KIAA0319L: variants seen among roughly 807,000 people sequenced by gnomAD.
KIAA0319L encodes KIAA0319 like.
Under a neutral mutation model 120.1 loss-of-function variants are expected in KIAA0319L, and 55 were observed. The ratio of observed to expected loss-of-function variants is 0.46; its 90% confidence interval spans 0.37 to 0.57. KIAA0319L has a LOEUF of 0.57. KIAA0319L is among the 20% of genes least tolerant of loss of function. The pLI, the probability that KIAA0319L is intolerant of heterozygous loss-of-function variation, is 0.00. For synonymous variants in KIAA0319L, 398 were observed against 471.9 expected, an observed-to-expected ratio of 0.84 and a Z score of 2.03; for missense variants, 1,049 against 1,255.3, an observed-to-expected ratio of 0.84 and a Z score of 2.48.
intron 16 of KIAA0319L, among the ~76,000 whole-genome samples, chr1:35,445,251 C>G (rs1037546621): frequency 6.6e-6 from 1 of 152,148 alleles, no homozygotes; most frequent in Non-Finnish European, 1.5e-5. Context: ...CTGCCACAGA[C>G]TTTCTAAAAG....
At chr1:35,531,803 C>T (rs946560904) in intron 2 of KIAA0319L, among the ~76,000 whole-genome samples, 2 of 152,152 alleles carry the variant, frequency 1.3e-5, no homozygotes, top group Non-Finnish European at 2.9e-5. Context: ...TACCTCTAGT[C>T]GGTCATCTTG....
chr1:35,551,109 T>C (rs1293912948), intron 2 of KIAA0319L, among the ~76,000 whole-genome samples: 1 of 152,146 alleles, frequency 6.6e-6, no homozygotes, highest in African/African-American at 2.4e-5. Context: ...GCCAAGAAGT[T>C]CTCTTTTCAA....
At chr1:35,483,051 G>A (rs1644238936) in intron 3 of KIAA0319L, among the ~76,000 whole-genome samples, 1 of 152,102 alleles carries the variant, frequency 6.6e-6, no homozygotes. Context: ...AACCTCTTTG[G>A]TGGACTATCT....
chr1:35,492,855 T>C (rs1047612336), intron 3 of KIAA0319L, among the ~76,000 whole-genome samples: 9 of 152,100 alleles, frequency 5.9e-5, no homozygotes, highest in Non-Finnish European at 1.0e-4. Flanking sequence ...CTTTCGCCAC[T>C]TGGATTCAAC....
chr1:35,530,868 A>G (rs943608346), intron 2 of KIAA0319L, among the ~76,000 whole-genome samples: 4 of 152,178 alleles, frequency 2.6e-5, no homozygotes, highest in African/African-American at 9.7e-5. Context: ...GAACACCATC[A>G]GTGGCATCTG....
chr1:35,484,750 C>T (rs1413113611), intron 3 of KIAA0319L, among the ~76,000 whole-genome samples: 7 of 134,254 alleles, frequency 5.2e-5, no homozygotes, highest in Non-Finnish European at 7.9e-5. Flanking sequence ...CCTTTGAACA[C>T]GATTTAAGTT....
At chr1:35,463,281 T>A (rs1166051514) in intron 7 of KIAA0319L, among the ~76,000 whole-genome samples, 1 of 152,210 alleles carries the variant, frequency 6.6e-6, no homozygotes, top group East Asian at 1.9e-4. Flanking sequence ...TGACCATTCC[T>A]AAGACCATGC....
intron 4 of KIAA0319L, among the ~76,000 whole-genome samples, chr1:35,477,002 C>A (rs1643914591): frequency 6.6e-6 from 1 of 152,068 alleles, no homozygotes; most frequent in Non-Finnish European, 1.5e-5. Context: ...AGATGCTTCT[C>A]CAGGACACTG....
chr1:35,444,492 T>C (rs568753298), intron 16 of KIAA0319L, among the ~76,000 whole-genome samples, 189 bp from the exon 17 acceptor site: 6 of 152,154 alleles, frequency 3.9e-5, no homozygotes, highest in Non-Finnish European at 8.8e-5. Flanking sequence ...CACTGGGGCT[T>C]TGTAAGAGGG....
At chr1:35,457,525 A>T (rs556105660) in intron 9 of KIAA0319L, among the ~76,000 whole-genome samples, 11 of 151,640 alleles carry the variant, frequency 7.3e-5, no homozygotes, top group South Asian at 6.2e-4. Flanking sequence ...GAAAGAAAAT[A>T]AAAAAAAATG....
At chr1:35,486,392 A>AG in intron 3 of KIAA0319L, among the ~76,000 whole-genome samples, 1 of 151,612 alleles carries the variant, frequency 6.6e-6, no homozygotes, top group South Asian at 2.1e-4. Flanking sequence ...AAAAAAAAAA[A>AG]AAAAAAGAAT....
At chr1:35,454,196 G>C (rs1425675787) in intron 11 of KIAA0319L, 166 bp downstream of exon 11, 2 of 622,040 alleles carry the variant, frequency 3.2e-6, no homozygotes, top group Non-Finnish European at 5.4e-6. Flanking sequence ...TTCATCTCTA[G>C]CTATGAAGAA....
intron 16 of KIAA0319L, among the ~76,000 whole-genome samples, chr1:35,445,203 C>A (rs1641528980): frequency 6.6e-6 from 1 of 152,192 alleles, no homozygotes; most frequent in Non-Finnish European, 1.5e-5. Context: ...TAAATGGTAT[C>A]ATTTTCCAGG....
At chr1:35,508,955 C>A (rs1645314041) in intron 2 of KIAA0319L, among the ~76,000 whole-genome samples, 1 of 152,110 alleles carries the variant, frequency 6.6e-6, no homozygotes, top group East Asian at 1.9e-4. Flanking sequence ...GGCTTGCCTT[C>A]CCACCATGAA....
chr1:35,521,457 AC>A (rs1645909519), intron 2 of KIAA0319L, among the ~76,000 whole-genome samples: 1 of 151,602 alleles, frequency 6.6e-6, no homozygotes, highest in African/African-American at 2.4e-5. Context: ...ACACGGTGAA[AC>A]CCTGTCTCTA....
chr1:35,556,086 A>G (rs560427820), intron 1 of KIAA0319L, among the ~76,000 whole-genome samples: 4 of 152,370 alleles, frequency 2.6e-5, no homozygotes, highest in Non-Finnish European at 5.9e-5. Flanking sequence ...ATAGTTTGTT[A>G]CTGAATCAAA....
At chr1:35,515,130 C>T (rs1358291684) in intron 2 of KIAA0319L, among the ~76,000 whole-genome samples, 4 of 152,042 alleles carry the variant, frequency 2.6e-5, no homozygotes, top group South Asian at 2.1e-4. Context: ...CTGGCCAACA[C>T]GGTGAAACCC....
chr1:35,454,769 T>C (rs1642322730), intron 10 of KIAA0319L: 1 of 413,000 alleles, frequency 2.4e-6, no homozygotes, highest in Middle Eastern at 8.0e-4. Context: ...TGTGCAGAGA[T>C]TACCAAGGCC....
At chr1:35,526,420 C>CAT (rs1227608702) in intron 2 of KIAA0319L, among the ~76,000 whole-genome samples, 5 of 132,584 alleles carry the variant, frequency 3.8e-5, no homozygotes, top group East Asian at 4.2e-4. Context: ...TACACACATA[C>CAT]ATATATATAT....
Sources: allele counts gnomAD v4.1 joint callset (sites outside exome capture counted in the v4.1 genomes callset), GRCh38; gene constraint gnomAD v4.1.1; transcripts MANE v1.5; gene names NCBI Gene and HGNC (gene_info 2026-07-23, HGNC 2026-07-21).